Variants in RNFT2 observed in about 807,000 individuals in gnomAD.
RNFT2 encodes the protein ring finger protein, transmembrane 2, also known as E3 ubiquitin-protein ligase RNFT2.
A neutral mutation model predicts 53.0 loss-of-function variants in RNFT2; 36 were observed. The ratio of observed to expected loss-of-function variants is 0.68; its 90% CI spans 0.52 to 0.90. RNFT2 has a LOEUF of 0.90. Ranked by LOEUF, RNFT2 falls within the 40% of genes least tolerant of loss-of-function variation. The probability of loss-of-function intolerance (pLI) is 0.00; values close to 1 mark genes in which losing one functional copy is unlikely to be tolerated. For missense variants in RNFT2, 514 were observed against 585.6 expected (o/e 0.88, Z 1.26); for synonymous variants, 260 against 253.2 (o/e 1.03, Z -0.26).
intron 7 of RNFT2, among the ~76,000 whole-genome samples, chr12:116,813,358 T>C (rs17501002): frequency 0.031 from 4,794 of 152,330 alleles, 96 homozygotes; most frequent in Non-Finnish European, 0.046. Flanking sequence ...TAGGGCTGAA[T>C]CATGCTCTTG....
At chr12:116,759,885 G>A (rs1021844009) in intron 5 of RNFT2, among the ~76,000 whole-genome samples, 2 of 152,168 alleles carry the variant, frequency 1.3e-5, no homozygotes, top group East Asian at 1.9e-4. Flanking sequence ...CTGTGGTAGC[G>A]TGGCGAGGAA....
chr12:116,780,364 G>A (rs7135526), intron 7 of RNFT2, among the ~76,000 whole-genome samples: 144,969 of 152,204 alleles, frequency 0.95, 69,096 homozygotes, highest in African/African-American at 0.97. Context: ...GATTCTCATA[G>A]GGAGCATACA....
chr12:116,842,568 A>G (rs944994606), intron 10 of RNFT2, among the ~76,000 whole-genome samples: 5 of 151,044 alleles, frequency 3.3e-5, no homozygotes, highest in African/African-American at 9.7e-5. Flanking sequence ...TTATTTATTT[A>G]TTTGTTTGTT....
At chr12:116,832,140 A>ATATATAT (rs1555209706) in intron 7 of RNFT2, among the ~76,000 whole-genome samples, 1 of 68,138 alleles carries the variant, frequency 1.5e-5, no homozygotes, top group African/African-American at 5.4e-5. Flanking sequence ...CAAAAAAAAA[A>ATATATAT]AAAAAAAAAT....
intron 7 of RNFT2, among the ~76,000 whole-genome samples, chr12:116,803,140 T>A (rs1874884840): frequency 6.6e-6 from 1 of 152,136 alleles, no homozygotes; most frequent in East Asian, 1.9e-4. Context: ...ATGCCACTTG[T>A]ATTTGTCAGA....
chr12:116,814,804 G>C (rs573374673), intron 7 of RNFT2, among the ~76,000 whole-genome samples: 1 of 151,940 alleles, frequency 6.6e-6, no homozygotes, highest in African/African-American at 2.4e-5. Context: ...TCAGCCTCCC[G>C]AGTAGCTGGG....
Position 116,750,036 on chromosome 12 carries a change from G to A in RNFT2, c.279G>A (p.Ala93=), listed in dbSNP as rs1469428600. ...GGGACGTGTTCATCCAGATGCCCGC[G>A]TCCAGGGAGGAAGGAGGGGGCCGGG... ...GGGDVFIQMP[A]SREEGGGRGE... The change falls in exon 4 of 11, where the codon GCG becomes GCA. Residue 93 remains alanine, a synonymous_variant. Transcript: ENST00000257575. 1.9e-6 allele frequency: 3 copies of A among 1,551,920 alleles called. No individual in the cohort carries two copies. Among genetic ancestry groups the A allele is most frequent in the Non-Finnish European group, 2.6e-6 (3 of 1,148,898 alleles).
chr12:116,811,343 C>A lies in RNFT2; in HGVS notation c.883-22449C>A, dbSNP rs1026015806. 3.4e-4 allele frequency among the ~76,000 whole-genome samples: 51 copies of A among 151,372 alleles called. 1 individual carries two copies. Among genetic ancestry groups the A allele is most frequent in the Non-Finnish European group, 1.2e-4 (8 of 67,910 alleles). On this transcript the variant is annotated intron_variant, in intron 7 of 10. Coordinates refer to ENST00000257575, the MANE Select transcript of RNFT2 (RefSeq NM_001382266.1). ...TGCAGGTGGAGGTGATTTTAGCAAT[C>A]CCTGGCACATGTAAATGCTCAATGG...
chr12:116,838,031 AC>A (rs1236764251), intron 10 of RNFT2, among the ~76,000 whole-genome samples: 3 of 152,110 alleles, frequency 2.0e-5, no homozygotes, highest in African/African-American at 7.2e-5. Context: ...TTAAAAAAAA[AC>A]ATAAGTTATA....
intron 7 of RNFT2, among the ~76,000 whole-genome samples, chr12:116,795,399 C>T (rs1418565996): frequency 6.6e-6 from 1 of 150,420 alleles, no homozygotes; most frequent in Non-Finnish European, 1.5e-5. Flanking sequence ...CAGAGTGAGA[C>T]TCCATCTCCA....
intron 4 of RNFT2, among the ~76,000 whole-genome samples, chr12:116,751,090 T>C (rs1045582291): frequency 1.3e-5 from 2 of 150,470 alleles, no homozygotes; most frequent in Non-Finnish European, 3.0e-5. Context: ...AAATTTTAAA[T>C]TTTTTCATAG....
chr12:116,820,219 T>C (rs892365902), intron 7 of RNFT2, among the ~76,000 whole-genome samples: 5 of 152,064 alleles, frequency 3.3e-5, no homozygotes, highest in African/African-American at 1.2e-4. Flanking sequence ...GCCTCCCGAG[T>C]AGCTGGGTCT....
At chr12:116,787,326 G>C (rs1292217731) in intron 7 of RNFT2, among the ~76,000 whole-genome samples, 1 of 152,210 alleles carries the variant, frequency 6.6e-6, no homozygotes, top group Non-Finnish European at 1.5e-5. Context: ...TTCCAGCCAT[G>C]GTGCCTTGAG....
At chr12:116,769,258 C>T (rs1873065297) in intron 6 of RNFT2, among the ~76,000 whole-genome samples, 1 of 152,122 alleles carries the variant, frequency 6.6e-6, no homozygotes, top group Non-Finnish European at 1.5e-5. Context: ...ACTTGGGAGG[C>T]TGAGCCAGAG....
At chr12:116,786,122 CTTT>C (rs1190827408) in intron 7 of RNFT2, among the ~76,000 whole-genome samples, 11 of 135,688 alleles carry the variant, frequency 8.1e-5, no homozygotes, top group African/African-American at 5.4e-5. Context: ...TCAGGTAGTT[CTTT>C]TTTTTTTTTT....
chr12:116,838,003 A>G (rs1877063297), intron 10 of RNFT2, among the ~76,000 whole-genome samples: 1 of 151,418 alleles, frequency 6.6e-6, no homozygotes, highest in Non-Finnish European at 1.5e-5. Flanking sequence ...ATATTTATAC[A>G]CACACAAACA....
intron 7 of RNFT2, among the ~76,000 whole-genome samples, chr12:116,810,391 T>G (rs1875315099): frequency 6.6e-6 from 1 of 151,974 alleles, no homozygotes; most frequent in African/African-American, 2.4e-5. Flanking sequence ...GGGTGTGCGT[T>G]TTTCCAGATA....
At position 116,849,764 on chromosome 12, in the gene RNFT2, G is replaced by T; in HGVS notation, c.*316G>T. On this transcript the variant is annotated 3_prime_UTR_variant, in exon 11 of 11. Transcript: ENST00000257575. ...GCAATACATGAAGTTCCCACTTGTT[G>T]GTTATTTTCTCTTTCTTTTTTCTTT... The T allele has an allele frequency of 1.8e-6, 2 of 1,137,740 alleles. No homozygotes were observed. The highest frequency in any genetic ancestry group is 2.2e-6 in the Non-Finnish European group (2 of 927,410). 70.5% of individuals were successfully genotyped at this position (1,137,740 alleles called of 1,614,324 possible).
At chr12:116,818,043 T>C (rs553055773) in intron 7 of RNFT2, among the ~76,000 whole-genome samples, 1 of 152,326 alleles carries the variant, frequency 6.6e-6, no homozygotes, top group South Asian at 2.1e-4. Flanking sequence ...GGGAAAGGGC[T>C]TTCTCTGTGG....
Sources: allele counts gnomAD v4.1 joint callset (sites outside exome capture counted in the v4.1 genomes callset), GRCh38; gene constraint gnomAD v4.1.1; transcripts MANE v1.5; gene names NCBI Gene and HGNC (gene_info 2026-07-23, HGNC 2026-07-21).